Variants in NAF1 observed in about 807,000 individuals in gnomAD.
The protein encoded by NAF1 is nuclear assembly factor 1 ribonucleoprotein.
Under a neutral mutation model 40.6 loss-of-function variants are expected in NAF1, and 11 were observed. The ratio of observed to expected loss-of-function variants is 0.27; its 90% CI spans 0.17 to 0.45. The LOEUF is 0.45. NAF1 is among the 20% of genes least tolerant of loss of function. The probability of loss-of-function intolerance (pLI) is 1.00; values close to 1 mark genes in which losing one functional copy is unlikely to be tolerated. For missense variants in NAF1, 607 were observed against 611.1 expected (o/e 0.99, Z 0.07); for synonymous variants, 260 against 228.5 (o/e 1.14, Z -1.24).
At chr4:163,107,772 CAAGGAGCCTTTTT>C (rs1341529836), downstream of NAF1, among the ~76,000 whole-genome samples, 3 of 152,050 alleles carry the variant, frequency 2.0e-5, no homozygotes, top group African/African-American at 7.2e-5. Flanking sequence ...CCCTGCTTGC[CAAGGAGCCTTTTT>C]AGATATTTTT....
intron 2 of NAF1, among the ~76,000 whole-genome samples, chr4:163,152,434 T>G (rs1731748221): frequency 1.3e-5 from 2 of 152,322 alleles, no homozygotes; most frequent in Admixed American, 1.3e-4. Context: ...CCAGATTATT[T>G]GTAGTGAGTC....
rs747379770 is a variant in NAF1 at position 163,128,867 on chromosome 4, G to C, written c.*30C>G. 1 of 1,469,362 alleles carries C rather than the reference G, an allele frequency of 6.8e-7. No homozygotes were observed. Among genetic ancestry groups the C allele is most frequent in the Non-Finnish European group, 9.0e-7 (1 of 1,107,132 alleles). The allele number at this position is 1,469,362 out of a possible 1,614,324, so 91.0% of individuals were successfully genotyped here. A position where few individuals can be genotyped will look rare whatever the true frequency, so the allele number is the denominator to read the frequency against. On this transcript the variant is annotated 3_prime_UTR_variant, in exon 8 of 8. Transcript: ENST00000274054. ...AAATCCTTACCACATAATATGAAAA[G>C]TCCACATTTCTCTGGAAATGCATAG...
At chr4:163,160,335 T>A (rs1399769320) in intron 2 of NAF1, among the ~76,000 whole-genome samples, 8 of 150,946 alleles carry the variant, frequency 5.3e-5, no homozygotes, top group African/African-American at 2.0e-4. Flanking sequence ...CCCCTTAACG[T>A]ACCCTCACAT....
Position 163,166,461 on chromosome 4 carries a change from C to T in NAF1, c.267G>A (p.Ser89=), listed in dbSNP as rs1732473825. 6.2e-7 allele frequency: 1 copy of T among 1,604,324 alleles called. No homozygotes were observed. The highest frequency in any genetic ancestry group is 1.3e-5 in the African/African-American group (1 of 74,810). Residue 89 remains serine (S), a synonymous_variant, in exon 1 of 8, where the codon TCG becomes TCA. Transcript: ENST00000274054. ...AGGTGACGCAGTCTCCGCAGGCCGG[C>T]GATTCAGCCGGTGGCTGTGGCTGCG... ...PAPQPQPPAE[S]PACGDCVTSP... is the part of the protein sequence containing the mutation.
chr4:163,151,191 T>G (rs1311702538), intron 2 of NAF1, among the ~76,000 whole-genome samples: 1 of 152,004 alleles, frequency 6.6e-6, no homozygotes, highest in African/African-American at 2.4e-5. Context: ...CACAGCATGT[T>G]TTTTAGCTAA....
At chr4:163,127,094 T>G (rs760507158), downstream of NAF1, 29 of 1,551,436 alleles carry the variant, frequency 1.9e-5, no homozygotes, top group Non-Finnish European at 2.4e-5. Context: ...GAGGCCACAA[T>G]ATCTGTGAGA....
In NAF1 at chr4:163,142,782, C is replaced by A. The variant is rs75799700; in HGVS notation, c.718-2399G>T. Among the ~76,000 whole-genome samples the A allele has an allele frequency of 7.9e-4, 120 of 152,238 alleles. 3 individuals are homozygous for A. The East Asian group carries it at 0.021, about 27-fold the overall frequency. ...GGAATTTAACAATATTTTAAATAAC[C>A]ATTAGCCTCTGAGTGTAGAGTTTAG... On this transcript the variant is annotated intron_variant, in intron 4 of 7. Coordinates refer to ENST00000274054, the MANE Select transcript of NAF1 (RefSeq NM_138386.3).
Position 163,114,250 on chromosome 4 carries a change from G to A in NAF1, c.115-3960C>T, listed in dbSNP as rs190840122. Among the ~76,000 whole-genome samples the A allele has an allele frequency of 2.2e-3, 330 of 152,286 alleles. 3 individuals carry two copies. The highest frequency in any genetic ancestry group is 5.4e-4 in the Non-Finnish European group (37 of 68,024). ...GGAATCTACTGCCTCTGAGGAAATGGCAATAAAGCACTTAGTAGTCAGCAG... is the reference window on the plus strand; with the variant it reads ...GGAATCTACTGCCTCTGAGGAAATGACAATAAAGCACTTAGTAGTCAGCAG... On this transcript the variant is annotated intron_variant, in intron 2 of 2. Transcript: ENST00000509434.
At chr4:163,105,642 A>G (rs753865533), downstream of NAF1, among the ~76,000 whole-genome samples, 1 of 152,104 alleles carries the variant, frequency 6.6e-6, no homozygotes, top group African/African-American at 2.4e-5. Flanking sequence ...TTACATTTTC[A>G]TTATATTATA....
chr4:163,108,561 T>A (rs1730086082), downstream of NAF1, among the ~76,000 whole-genome samples: 2 of 152,202 alleles, frequency 1.3e-5, no homozygotes, highest in South Asian at 4.1e-4. Flanking sequence ...CTAACCTGTT[T>A]TTTCACTTAG....
intron 2 of NAF1, among the ~76,000 whole-genome samples, chr4:163,119,201 G>A (rs1193625741): frequency 6.6e-6 from 1 of 152,052 alleles, no homozygotes; most frequent in African/African-American, 2.4e-5. Context: ...TTAACTATTT[G>A]TAGAATGTCC....
At position 163,138,764 on chromosome 4, in the gene NAF1, A is replaced by G. The variant is rs1215616260; in HGVS notation, c.878+1459T>C. Reference sequence around the variant, plus strand: ...ACCAAAGACTGAGTCTATTATCTAAAATCTATTTAAAAACCATCTTCAGAA... The same window carrying G: ...ACCAAAGACTGAGTCTATTATCTAAGATCTATTTAAAAACCATCTTCAGAA... On this transcript the variant is annotated intron_variant, in intron 5 of 7. Transcript: ENST00000274054. 2.6e-5 allele frequency among the ~76,000 whole-genome samples: 4 copies of G among 152,252 alleles called. No individual in the cohort carries two copies. The East Asian group carries it at 5.8e-4, about 22-fold the overall frequency.
chr4:163,126,480 G>A (rs191967916), downstream of NAF1, among the ~76,000 whole-genome samples: 59 of 152,348 alleles, frequency 3.9e-4, no homozygotes, highest in African/African-American at 1.4e-3. Context: ...ACCTAAAGAT[G>A]TGACTGAATT....
In NAF1 at chr4:163,166,648, G is replaced by A. The variant is rs757836983; in HGVS notation, c.80C>T (p.Pro27Leu). Residue 27 changes from proline to leucine, a missense_variant, in exon 1 of 8, where the codon CCG becomes CTG. Around this residue, in one of 3 missense-constraint regions of NAF1, gnomAD observed 407 missense variants for 365.5 expected, o/e 1.11. Coordinates refer to ENST00000274054, the MANE Select transcript of NAF1 (RefSeq NM_138386.3). Reference protein sequence around the residue: ...NGTDFGVGEGPAAPSPGSAPV... With the variant: ...NGTDFGVGEGLAAPSPGSAPV... ...GGCAGAGCCCGGAGACGGAGCCGCCGGACCTTCCCCAACTCCAAAGTCGGT... is the reference window on the plus strand; with the variant it reads ...GGCAGAGCCCGGAGACGGAGCCGCCAGACCTTCCCCAACTCCAAAGTCGGT... 6.8e-6 allele frequency: 11 copies of A among 1,613,192 alleles called. No homozygotes were observed. Among genetic ancestry groups the A allele is most frequent in the East Asian group, 4.5e-5 (2 of 44,860 alleles).
chr4:163,137,370 A>T, intron 5 of NAF1, 120 bp from the exon 6 acceptor site: 1 of 1,022,306 alleles, frequency 9.8e-7, no homozygotes, highest in Admixed American at 3.2e-5. Context: ...TAATTTTGCA[A>T]TACAGTTATG....
At chr4:163,106,815 GATCT>G (rs140925434), downstream of NAF1, among the ~76,000 whole-genome samples, 945 of 152,158 alleles carry the variant, frequency 6.2e-3, 4 homozygotes, top group African/African-American at 0.022. Context: ...CTAAAATAAA[GATCT>G]ATTTATCAGT....
downstream of NAF1, chr4:163,109,995 C>T (rs1730113744): frequency 5.3e-6 from 2 of 379,230 alleles, no homozygotes; most frequent in Non-Finnish European, 9.4e-6. Flanking sequence ...TCATTTTTAC[C>T]TTTGTTTACT....
At position 163,133,179 on chromosome 4, in the gene NAF1, T is replaced by G; in HGVS notation, c.1008A>C (p.Lys336Asn). ...RKKSQIQGRK[K>N]LKSEFNEPGE... ...CAGGCTCATTAAATTCAGATTTGAGTTTTTTCCGGCCTTGAATCTGAGATT... is the reference window on the plus strand; with the variant it reads ...CAGGCTCATTAAATTCAGATTTGAGGTTTTTCCGGCCTTGAATCTGAGATT... The change falls in exon 7 of 8, where the codon AAA becomes AAC. Residue 336 changes from lysine to asparagine, a missense_variant. Coordinates refer to ENST00000274054, the MANE Select transcript of NAF1 (RefSeq NM_138386.3). 6.2e-7 allele frequency: 1 copy of G among 1,613,692 alleles called. No individual in the cohort carries two copies. The highest frequency in any genetic ancestry group is 8.5e-7 in the Non-Finnish European group (1 of 1,179,828).
intron 2 of NAF1, among the ~76,000 whole-genome samples, chr4:163,155,107 G>A (rs1731924775): frequency 6.6e-6 from 1 of 152,192 alleles, no homozygotes; most frequent in Non-Finnish European, 1.5e-5. Flanking sequence ...TTGTTTTGAT[G>A]TATGAATGCC....
Sources: gnomAD v4.1 joint callset for allele counts (sites outside exome capture counted in the v4.1 genomes callset) on GRCh38, gnomAD v4.1.1 for gene constraint, gnomAD v4.1.1 regional missense constraint, MANE v1.5 for transcripts, NCBI Gene and HGNC (gene_info 2026-07-23, HGNC 2026-07-21) for gene names.